The following SLC25A48 variants were observed in gnomAD, a reference collection of about 807,000 sequenced individuals.
SLC25A48 encodes the protein solute carrier family 25 member 48.
Under a neutral mutation model 32.2 loss-of-function variants are expected in SLC25A48, and 29 were observed. That is an observed-to-expected ratio of 0.90 (90% confidence interval 0.67 to 1.23). The LOEUF (loss-of-function observed/expected upper bound fraction) is 1.23, where lower values mean the gene tolerates loss of function less well. Ranked by LOEUF, SLC25A48 falls within the 50% of genes most tolerant of loss-of-function variation. The probability of loss-of-function intolerance (pLI) is 0.00; values close to 1 mark genes in which losing one functional copy is unlikely to be tolerated. For synonymous variants in SLC25A48, 164 were observed against 172.3 expected, an observed-to-expected ratio of 0.95 and a Z score of 0.38; for missense variants, 399 against 422.7, an observed-to-expected ratio of 0.94 and a Z score of 0.49.
At chr5:135,863,210 C>A (rs927248491) in intron 4 of SLC25A48, among the ~76,000 whole-genome samples, 1 of 152,236 alleles carries the variant, frequency 6.6e-6, no homozygotes, top group Non-Finnish European at 1.5e-5. Context: ...GTGGAACCCC[C>A]CACACAGGGA....
chr5:135,611,523 A>AAAAAAAAAAAAGAAAAAG (rs1752067388), intron 1 of SLC25A48, among the ~76,000 whole-genome samples: 6 of 139,462 alleles, frequency 4.3e-5, no homozygotes, highest in African/African-American at 1.7e-4. Flanking sequence ...AAAAAAAAAA[A>AAAAAAAAAAAAGAAAAAG]AAAAGAAAAA....
Position 135,745,483 on chromosome 5 carries a change from G to A in SLC25A48, c.-520-67040G>A, listed in dbSNP as rs572706027. On this transcript the variant is annotated intron_variant, in intron 3 of 10. Coordinates refer to the SLC25A48 transcript ENST00000646290. The stretch of plus-strand genomic sequence containing the variant: ...GTTTATGGCCAGTTTCTCATGGCCT[G>A]TTTATGGCCAGATGTGGGGGGCCTG... Among the ~76,000 whole-genome samples, 17 of 152,246 alleles carry A rather than the reference G, an allele frequency of 1.1e-4. No individual in the cohort carries two copies. In the South Asian group the frequency reaches 3.3e-3, roughly 30 times the overall value.
At chr5:135,796,395 G>A (rs1019415773) in intron 3 of SLC25A48, among the ~76,000 whole-genome samples, 6 of 151,492 alleles carry the variant, frequency 4.0e-5, no homozygotes, top group African/African-American at 9.7e-5. Flanking sequence ...TTTATCGCAG[G>A]AGGCATACAG....
At chr5:135,627,502 C>T (rs1752464374) in intron 1 of SLC25A48, among the ~76,000 whole-genome samples, 1 of 152,144 alleles carries the variant, frequency 6.6e-6, no homozygotes, top group Non-Finnish European at 1.5e-5. Flanking sequence ...CTCTGGGTTG[C>T]CTCCTCTTTC....
chr5:135,774,518 CT>C (rs1440454970), intron 3 of SLC25A48, among the ~76,000 whole-genome samples: 1 of 151,692 alleles, frequency 6.6e-6, no homozygotes, highest in African/African-American at 2.4e-5. Flanking sequence ...CACATGCCCC[CT>C]GTGATATATT....
At chr5:135,689,893 C>T (rs977526919) in intron 3 of SLC25A48, among the ~76,000 whole-genome samples, 1 of 152,178 alleles carries the variant, frequency 6.6e-6, no homozygotes, top group Non-Finnish European at 1.5e-5. Flanking sequence ...TTATTTTATA[C>T]AAAAATGCTT....
At chr5:135,745,446 T>G (rs1755616780) in intron 3 of SLC25A48, among the ~76,000 whole-genome samples, 1 of 152,190 alleles carries the variant, frequency 6.6e-6, no homozygotes, top group African/African-American at 2.4e-5. Context: ...GTCACAGTGC[T>G]GCAGAGATTT....
chr5:135,739,478 ATTC>A (rs1372095331), intron 3 of SLC25A48, among the ~76,000 whole-genome samples: 3 of 152,090 alleles, frequency 2.0e-5, no homozygotes, highest in Non-Finnish European at 2.9e-5. Context: ...GTGTTTTCTA[ATTC>A]TTCTCTCTCT....
At chr5:135,652,611 C>A (rs1753143151) in intron 3 of SLC25A48, 3 of 359,534 alleles carry the variant, frequency 8.3e-6, no homozygotes, top group Non-Finnish European at 5.5e-6. Context: ...GGATTAAACA[C>A]CCTGAAAGGA....
chr5:135,685,580 G>C (rs142869034), intron 3 of SLC25A48, among the ~76,000 whole-genome samples: 3 of 151,720 alleles, frequency 2.0e-5, no homozygotes, highest in Non-Finnish European at 4.4e-5. Context: ...TTACAGGCAC[G>C]TGCCACCACA....
intron 4 of SLC25A48, among the ~76,000 whole-genome samples, chr5:135,859,532 T>A (rs1040703482): frequency 3.3e-5 from 5 of 152,196 alleles, no homozygotes; most frequent in African/African-American, 7.2e-5. Flanking sequence ...CAGAGTTTAT[T>A]TGACACAAGG....
upstream of SLC25A48, among the ~76,000 whole-genome samples, chr5:135,831,760 A>C (rs1175210061): frequency 6.6e-6 from 1 of 152,232 alleles, no homozygotes; most frequent in Non-Finnish European, 1.5e-5. Context: ...GGGAATTGGA[A>C]TTTATGCTCA....
Position 135,636,475 on chromosome 5 carries a change from G to A in SLC25A48, c.-521+1519G>A, listed in dbSNP as rs112800818. On this transcript the variant is annotated intron_variant, in intron 3 of 10. Coordinates refer to the SLC25A48 transcript ENST00000646290. Reference sequence around the variant, plus strand: ...GTAGTCATATGTAAATTGCTACAATGTTTGTGGTTTGCTATTTTTGGTGTC... The same window carrying A: ...GTAGTCATATGTAAATTGCTACAATATTTGTGGTTTGCTATTTTTGGTGTC... Among the ~76,000 whole-genome samples the A allele has an allele frequency of 2.9e-3, 441 of 152,314 alleles. 1 individual carries two copies. The highest frequency in any genetic ancestry group is 5.0e-3 in the Non-Finnish European group (341 of 68,026).
At chr5:135,697,686 G>A (rs1309587634) in intron 3 of SLC25A48, among the ~76,000 whole-genome samples, 2 of 152,198 alleles carry the variant, frequency 1.3e-5, no homozygotes, top group African/African-American at 2.4e-5. Context: ...AGCAGAGCCA[G>A]TGGCATTCAG....
At chr5:135,700,241 G>A (rs6596259) in intron 3 of SLC25A48, among the ~76,000 whole-genome samples, 86,475 of 151,122 alleles carry the variant, frequency 0.57, 25,097 homozygotes, top group South Asian at 0.63. Context: ...GTCTGGTGGC[G>A]TGTGCCTGTA....
chr5:135,764,418 T>C (rs1173336130), intron 3 of SLC25A48, among the ~76,000 whole-genome samples: 1 of 151,782 alleles, frequency 6.6e-6, no homozygotes, highest in East Asian at 1.9e-4. Flanking sequence ...ATATGGTTCG[T>C]AATATCCAGG....
rs560104845 is a variant in SLC25A48 at position 135,672,069 on chromosome 5, C to G, written c.-521+37113C>G. 5.9e-5 allele frequency among the ~76,000 whole-genome samples: 9 copies of G among 152,268 alleles called. No individual in the cohort carries two copies. The South Asian group carries it at 1.9e-3, about 32-fold the overall frequency. ...TTCAAACCAAAATTGGAACAGTTCT[C>G]AAATGCTCCCAGGATTTGGGGCTAT... On this transcript the variant is annotated intron_variant, in intron 3 of 10. Coordinates refer to the SLC25A48 transcript ENST00000646290.
rs2127017296 is a variant in SLC25A48, at chr5:135,760,658, T to C, written c.-520-51865T>C. On this transcript the variant is annotated intron_variant, in intron 3 of 10. Coordinates refer to the SLC25A48 transcript ENST00000646290. ...GGATAGATGCCATGAAAGTCTGCCATCCACAGAGTGAAACTAAGTCACCCG... is the reference window on the plus strand; with the variant it reads ...GGATAGATGCCATGAAAGTCTGCCACCCACAGAGTGAAACTAAGTCACCCG... Among the ~76,000 whole-genome samples the C allele has an allele frequency of 2.0e-5, 3 of 152,274 alleles. No individual in the cohort carries two copies. The South Asian group carries it at 6.2e-4, about 32-fold the overall frequency.
At chr5:135,645,264 G>A (rs1462152236) in intron 3 of SLC25A48, among the ~76,000 whole-genome samples, 1 of 152,196 alleles carries the variant, frequency 6.6e-6, no homozygotes, top group African/African-American at 2.4e-5. Flanking sequence ...CCCTTTGATA[G>A]CCAGTCAACT....
Sources: allele counts gnomAD v4.1 joint callset (sites outside exome capture counted in the v4.1 genomes callset), GRCh38; gene constraint gnomAD v4.1.1; transcripts MANE v1.5; gene names NCBI Gene and HGNC (gene_info 2026-07-23, HGNC 2026-07-21).